Variants in PPP2R2B observed in about 807,000 individuals in gnomAD.
PPP2R2B encodes the protein protein phosphatase 2 regulatory subunit Bbeta, also known as serine/threonine-protein phosphatase 2A 55 kDa regulatory subunit B beta isoform.
In PPP2R2B, 5 loss-of-function variants were observed where a neutral mutation model predicts 46.0. That is an observed-to-expected ratio of 0.11 (90% CI 0.06 to 0.23). The LOEUF is 0.23. PPP2R2B is among the 10% of genes least tolerant of loss of function. The pLI, the probability that PPP2R2B is intolerant of heterozygous loss-of-function variation, is 1.00. For synonymous variants in PPP2R2B, 215 were observed against 206.7 expected (o/e 1.04, Z -0.34); for missense variants, 367 against 575.0 (o/e 0.64, Z 3.70).
At chr5:146,718,756 G>T (rs948842951) in intron 2 of PPP2R2B, among the ~76,000 whole-genome samples, 6 of 152,190 alleles carry the variant, frequency 3.9e-5, no homozygotes, top group Non-Finnish European at 7.3e-5. Context: ...ATGCCAAGAA[G>T]TCTGACCCAG....
chr5:146,586,658 G>A lies in PPP2R2B; in HGVS notation c.*3289C>T, dbSNP rs1770179662. On this transcript the variant is annotated 3_prime_UTR_variant, in exon 10 of 10. Coordinates refer to ENST00000394411, the MANE Select transcript of PPP2R2B (RefSeq NM_181675.4). ...CAATTGTTCCATCTTATATATGCTG[G>A]TTGCCTAATAGAAGTTGATTTGGTT... is the stretch of plus-strand genomic sequence containing the variant. The A allele has an allele frequency of 6.6e-6, 1 of 151,994 alleles. No individual in the cohort carries two copies. Among genetic ancestry groups the A allele is most frequent in the Admixed American group, 6.6e-5 (1 of 15,246 alleles). 9.4% of individuals were successfully genotyped at this position (151,994 alleles called of 1,614,324 possible).
At chr5:146,650,492 C>T (rs6866598) in intron 6 of PPP2R2B, 55 bp downstream of exon 6, 1,229,318 of 1,523,600 alleles carry the variant, frequency 0.81, 498,609 homozygotes, top group Admixed American at 0.86. Context: ...AGCCCACTCG[C>T]ACCTGAATAC....
chr5:146,867,364 G>A (rs1431544527), intron 2 of PPP2R2B, among the ~76,000 whole-genome samples: 1 of 152,166 alleles, frequency 6.6e-6, no homozygotes, highest in Non-Finnish European at 1.5e-5. Context: ...GTAAGGTCTT[G>A]ATTCTTCATC....
At chr5:146,988,033 T>C (rs752696896) in intron 1 of PPP2R2B, among the ~76,000 whole-genome samples, 4 of 152,006 alleles carry the variant, frequency 2.6e-5, no homozygotes, top group African/African-American at 4.8e-5. Flanking sequence ...AATGCTACTA[T>C]GTATTGATGA....
chr5:146,710,444 A>G (rs1780154186), intron 2 of PPP2R2B, among the ~76,000 whole-genome samples: 1 of 152,252 alleles, frequency 6.6e-6, no homozygotes, highest in South Asian at 2.1e-4. Flanking sequence ...TTTATTCAAA[A>G]CAAGTTCCTG....
chr5:146,901,253 AC>A (rs1255279040), intron 1 of PPP2R2B, among the ~76,000 whole-genome samples: 1 of 152,188 alleles, frequency 6.6e-6, no homozygotes, highest in African/African-American at 2.4e-5. Context: ...TAATCCCAGC[AC>A]TTTGGGAGGC....
At chr5:147,009,898 C>CACACACACATAT in intron 1 of PPP2R2B, among the ~76,000 whole-genome samples, 1 of 145,618 alleles carries the variant, frequency 6.9e-6, no homozygotes, top group East Asian at 2.0e-4. Context: ...CACACACACA[C>CACACACACATAT]ATATATATAT....
intron 5 of PPP2R2B, among the ~76,000 whole-genome samples, chr5:146,667,326 GCGCGCGCACACA>G (rs897784227): frequency 1.2e-3 from 61 of 50,702 alleles, no homozygotes; most frequent in African/African-American, 2.8e-3. Context: ...GAATAGGCGT[GCGCGCGCACACA>G]CACACACACA....
At chr5:146,753,307 C>G (rs1395561824) in intron 2 of PPP2R2B, among the ~76,000 whole-genome samples, 2 of 152,190 alleles carry the variant, frequency 1.3e-5, no homozygotes, top group Non-Finnish European at 2.9e-5. Context: ...TAATTATCAT[C>G]AGACTTCAAA....
At chr5:146,682,913 G>T (rs1415268952) in intron 5 of PPP2R2B, among the ~76,000 whole-genome samples, 2 of 152,176 alleles carry the variant, frequency 1.3e-5, no homozygotes, top group Admixed American at 1.3e-4. Context: ...GAACCTTGAG[G>T]CAGGAGGAGA....
Position 146,650,620 on chromosome 5 carries a change from G to A in PPP2R2B, c.552C>T (p.Asp184=), listed in dbSNP as rs1056670927. ...CATCAGCGGACATGTAGGTTTCATA[G>A]TCGCTGTTGACAGATATGGAGTTGA... ...YHINSISVNS[D]YETYMSADDL... The change falls in exon 6 of 10, where the codon GAC becomes GAT. Residue 184 remains aspartate (D), a synonymous_variant. Transcript: ENST00000394411. The A allele has an allele frequency of 8.7e-6, 14 of 1,614,048 alleles. No individual in the cohort carries two copies. Among genetic ancestry groups the A allele is most frequent in the African/African-American group, 1.3e-5 (1 of 75,038 alleles).
chr5:146,592,746 G>A (rs996246800), intron 9 of PPP2R2B, among the ~76,000 whole-genome samples: 8 of 152,172 alleles, frequency 5.3e-5, no homozygotes, highest in Admixed American at 5.2e-4. Context: ...TAACATTAAG[G>A]TGTTATCTGT....
chr5:146,876,612 T>G (rs1761912626), intron 2 of PPP2R2B, among the ~76,000 whole-genome samples: 1 of 152,092 alleles, frequency 6.6e-6, no homozygotes. Flanking sequence ...AGAAAAAGAA[T>G]CGGTAAGTAT....
intron 5 of PPP2R2B, among the ~76,000 whole-genome samples, chr5:146,662,936 C>T (rs903952435): frequency 7.2e-5 from 11 of 151,842 alleles, no homozygotes; most frequent in African/African-American, 1.9e-4. Context: ...TAGAAATATG[C>T]CCAACTCATT....
At chr5:146,983,161 C>T (rs1371110449) in intron 1 of PPP2R2B, among the ~76,000 whole-genome samples, 1 of 130,498 alleles carries the variant, frequency 7.7e-6, no homozygotes, top group East Asian at 2.1e-4. Flanking sequence ...GTTTATCTAT[C>T]GTGTTTTCCA....
intron 6 of PPP2R2B, among the ~76,000 whole-genome samples, chr5:146,639,659 T>C (rs1158545929): frequency 6.6e-6 from 1 of 152,210 alleles, no homozygotes; most frequent in African/African-American, 2.4e-5. Context: ...TTTTCCTAGA[T>C]TTTCCTACTC....
chr5:146,594,872 T>TTAAG (rs139609271), intron 8 of PPP2R2B, among the ~76,000 whole-genome samples: 105 of 152,220 alleles, frequency 6.9e-4, no homozygotes, highest in African/African-American at 2.5e-3. Flanking sequence ...GCATTGGTGT[T>TTAAG]TAAGTTAAGA....
chr5:147,062,317 T>G (rs945411855), intron 2 of PPP2R2B, among the ~76,000 whole-genome samples: 3 of 152,158 alleles, frequency 2.0e-5, no homozygotes, highest in Non-Finnish European at 4.4e-5. Context: ...CTTCTCAGAA[T>G]GTTTCCCCAT....
At chr5:146,834,151 T>G (rs1160731951) in intron 2 of PPP2R2B, among the ~76,000 whole-genome samples, 1 of 152,216 alleles carries the variant, frequency 6.6e-6, no homozygotes, top group Non-Finnish European at 1.5e-5. Context: ...CTTTTAACAA[T>G]AGAAATAGTA....
Sources: allele counts gnomAD v4.1 joint callset (sites outside exome capture counted in the v4.1 genomes callset), GRCh38; gene constraint gnomAD v4.1.1; transcripts MANE v1.5; gene names NCBI Gene and HGNC (gene_info 2026-07-23, HGNC 2026-07-21).